Variants in RWDD3 observed in about 807,000 individuals in gnomAD.
The protein encoded by RWDD3 is RWD domain containing 3, also known as RWD domain-containing protein 3.
A neutral mutation model predicts 26.5 loss-of-function variants in RWDD3; 30 were observed. The ratio of observed to expected loss-of-function variants is 1.13; its 90% CI spans 0.85 to 1.54. The LOEUF (loss-of-function observed/expected upper bound fraction) is 1.54. Among genes scored for constraint, RWDD3 ranks in the 40% most tolerant of loss-of-function variants. The pLI, the probability that RWDD3 is intolerant of heterozygous loss-of-function variation, is 0.00. For missense variants in RWDD3, 296 were observed against 309.1 expected (o/e 0.96, Z 0.32); for synonymous variants, 113 against 114.5 (o/e 0.99, Z 0.09).
chr1:95,246,948 G>A lies in RWDD3; in HGVS notation c.*78G>A. The stretch of plus-strand genomic sequence containing the variant: ...CATTGGATTTGGGGAGTGGTTAATT[G>A]AAATAGTCAATTTTAAAGTTTCTCT... On this transcript the variant is annotated 3_prime_UTR_variant, in exon 4 of 4. Transcript: ENST00000370202. 2.6e-6 allele frequency: 2 copies of A among 778,386 alleles called. No homozygotes were observed. Among genetic ancestry groups the A allele is most frequent in the South Asian group, 2.7e-5 (1 of 36,886 alleles). 48.2% of individuals were successfully genotyped at this position (778,386 alleles called of 1,614,324 possible). A position where few individuals can be genotyped will look rare whatever the true frequency, so the allele number is the denominator to read the frequency against.
intron 2 of RWDD3, 104 bp downstream of exon 2, chr1:95,244,802 T>A (rs1680783987): frequency 1.6e-6 from 2 of 1,274,972 alleles, no homozygotes; most frequent in Non-Finnish European, 2.1e-6. Flanking sequence ...ATTATTAAGA[T>A]GTTTCTGCTT....
chr1:95,234,387 A>T, intron 1 of RWDD3, 72 bp downstream of exon 1: 1 of 1,416,012 alleles, frequency 7.1e-7, no homozygotes, highest in Middle Eastern at 1.8e-4. Context: ...TCTCCTCCCC[A>T]CCACGGAGCC....
intron 1 of RWDD3, among the ~76,000 whole-genome samples, chr1:95,238,716 A>G (rs962157275): frequency 4.0e-5 from 6 of 151,876 alleles, no homozygotes; most frequent in Non-Finnish European, 8.8e-5. Flanking sequence ...CATTCTCTTA[A>G]ATTTTACCTT....
intron 1 of RWDD3, among the ~76,000 whole-genome samples, chr1:95,234,812 ATGTT>A (rs1680228695): frequency 6.6e-6 from 1 of 151,956 alleles, no homozygotes; most frequent in South Asian, 2.1e-4. Flanking sequence ...TAGTAGGTAA[ATGTT>A]TGTTGACTGA....
chr1:95,238,893 T>C (rs569496412), intron 1 of RWDD3, among the ~76,000 whole-genome samples: 174 of 152,310 alleles, frequency 1.1e-3, no homozygotes, highest in African/African-American at 3.9e-3. Flanking sequence ...GTTTAGGAGC[T>C]TACTTTCTGA....
chr1:95,238,236 A>G (rs1680449173), intron 1 of RWDD3, among the ~76,000 whole-genome samples: 1 of 152,142 alleles, frequency 6.6e-6, no homozygotes, highest in Non-Finnish European at 1.5e-5. Context: ...TGCAGAGTGA[A>G]TTTTTGTATT....
At chr1:95,240,747 C>T (rs1400037786) in intron 1 of RWDD3, among the ~76,000 whole-genome samples, 2 of 151,548 alleles carry the variant, frequency 1.3e-5, no homozygotes, top group Admixed American at 1.3e-4. Flanking sequence ...ACCACTATTG[C>T]AGAAGCCAGA....
At position 95,244,607 on chromosome 1, in the gene RWDD3, A is replaced by T. The variant is rs1438518447; in HGVS notation, c.482A>T (p.Lys161Met). 4 of 1,614,084 alleles carry T rather than the reference A, an allele frequency of 2.5e-6. No homozygotes were observed. The highest frequency in any genetic ancestry group is 8.5e-7 in the Non-Finnish European group (1 of 1,180,040). ...AKTKYVKIVE[K>M]WASDLRLTGR... ...ACTAAATATGTCAAAATTGTGGAGAAGTGGGCTTCAGATTTAAGGCTGACA... is the reference window on the plus strand; with the variant it reads ...ACTAAATATGTCAAAATTGTGGAGATGTGGGCTTCAGATTTAAGGCTGACA... Residue 161 changes from lysine (K) to methionine (M), a missense_variant, in exon 2 of 4, where the codon AAG becomes ATG. Coordinates refer to ENST00000370202, the MANE Select transcript of RWDD3 (RefSeq NM_015485.5).
chr1:95,243,434 A>G (rs1361085175), intron 1 of RWDD3: 1 of 152,242 alleles, frequency 6.6e-6, no homozygotes, highest in Admixed American at 6.5e-5. Flanking sequence ...ATTTGCACCC[A>G]GTTCTGTTCT....
intron 1 of RWDD3, among the ~76,000 whole-genome samples, chr1:95,240,580 A>G (rs1444005046): frequency 3.3e-5 from 5 of 152,168 alleles, no homozygotes; most frequent in African/African-American, 1.2e-4. Context: ...GACTGAGGAC[A>G]TGGTATAAAA....
rs754169728 is a variant in RWDD3 at position 95,234,216 on chromosome 1, GT to G, written c.-14del. ...CAGCGGAAGGGGAAGCGCTGAGGCG[GT>G]GGGGCCCACAGCCATGGCGGAGCCT... On this transcript the variant is annotated 5_prime_UTR_variant, in exon 1 of 4. Coordinates refer to ENST00000370202, the MANE Select transcript of RWDD3 (RefSeq NM_015485.5). The G allele has an allele frequency of 6.3e-6, 10 of 1,575,536 alleles. No individual in the cohort carries two copies. The South Asian group carries it at 1.2e-4, about 18-fold the overall frequency.
chr1:95,236,281 T>C (rs566194991), intron 1 of RWDD3, among the ~76,000 whole-genome samples: 5 of 149,658 alleles, frequency 3.3e-5, no homozygotes, highest in African/African-American at 9.8e-5. Context: ...AGCCAAGATC[T>C]CACCATTCAT....
At chr1:95,234,195 G>C (rs888662808), upstream of RWDD3, 7 of 1,553,410 alleles carry the variant, frequency 4.5e-6, no homozygotes, top group Non-Finnish European at 6.1e-6. Context: ...CTGCGGCAGC[G>C]GAAGGGGAAG....
rs565551193 is a variant in RWDD3, at chr1:95,234,391, C to T, written c.85+76C>T. 993 of 1,390,148 alleles carry T rather than the reference C, an allele frequency of 7.1e-4. 6 individuals carry two copies. The African/African-American group carries it at 0.012, about 17-fold the overall frequency. The allele number at this position is 1,390,148 out of a possible 1,614,324, so 86.1% of individuals were successfully genotyped here. ...TTCGCTTTGCGTCTCCTCCCCACCA[C>T]GGAGCCTGGGCACCCCGCCTGGGCC... On this transcript the variant is annotated intron_variant, in intron 1 of 3. Coordinates refer to ENST00000370202, the MANE Select transcript of RWDD3 (RefSeq NM_015485.5).
rs1680775963 is a variant in RWDD3, at chr1:95,244,658, T to C, written c.533T>C (p.Ile178Thr). 6.2e-7 allele frequency: 1 copy of C among 1,614,050 alleles called. No individual in the cohort carries two copies. The highest frequency in any genetic ancestry group is 1.3e-5 in the African/African-American group (1 of 75,042). ...LTGRLMFMGK[I>T]ILILLQGDRN... Reference sequence around the variant, plus strand: ...GGAAGACTGATGTTCATGGGTAAAATAATACTGATTTTACTACAGGGAGAC... The same window carrying C: ...GGAAGACTGATGTTCATGGGTAAAACAATACTGATTTTACTACAGGGAGAC... The change falls in exon 2 of 4, where the codon ATA (isoleucine) becomes ACA (threonine). Residue 178 changes from isoleucine (I) to threonine (T), a missense_variant. Physicochemically the swap from Ile to Thr is moderately conservative, Grantham distance 89. Transcript: ENST00000370202.
chr1:95,241,173 A>C (rs1006463295), intron 1 of RWDD3, among the ~76,000 whole-genome samples: 1 of 152,120 alleles, frequency 6.6e-6, no homozygotes, highest in African/African-American at 2.4e-5. Flanking sequence ...AAAAAAGTAT[A>C]ATCAAGTGGC....
intron 1 of RWDD3, 64 bp downstream of exon 1, chr1:95,234,379 T>A: frequency 6.9e-7 from 1 of 1,458,802 alleles, no homozygotes; most frequent in Non-Finnish European, 9.4e-7. Flanking sequence ...GCTTTGCGTC[T>A]CCTCCCCACC....
chr1:95,239,923 T>C (rs1176542816), intron 1 of RWDD3: 11 of 1,289,626 alleles, frequency 8.5e-6, no homozygotes, highest in Middle Eastern at 2.1e-4. Context: ...GGTGTTTATA[T>C]GGCACAGGTT....
chr1:95,239,663 A>G, intron 1 of RWDD3: 1 of 937,844 alleles, frequency 1.1e-6, no homozygotes, highest in South Asian at 1.8e-5. Flanking sequence ...ATCCTTTCCA[A>G]TTCTTAAAAG....
Sources: gnomAD v4.1 joint callset for allele counts (sites outside exome capture counted in the v4.1 genomes callset) on GRCh38, gnomAD v4.1.1 for gene constraint, MANE v1.5 for transcripts, NCBI Gene and HGNC (gene_info 2026-07-23, HGNC 2026-07-21) for gene names.